Variants in RBFOX1 observed in about 807,000 individuals in gnomAD.
The protein encoded by RBFOX1 is RNA binding fox-1 homolog 1, also known as RNA binding protein fox-1 homolog 1.
RBFOX1 carries 8 observed loss-of-function variants against 57.7 expected under a neutral mutation model. The ratio of observed to expected loss-of-function variants is 0.14; its 90% CI spans 0.08 to 0.25. The LOEUF is 0.25. RBFOX1 is among the 10% of genes least tolerant of loss of function. The pLI, the probability that RBFOX1 is intolerant of heterozygous loss-of-function variation, is 1.00. For missense variants in RBFOX1, 611 were observed against 548.5 expected (o/e 1.11, Z -1.14); for synonymous variants, 326 against 222.4 (o/e 1.47, Z -4.15).
chr16:5,787,658 G>C (rs571259202), intron 3 of RBFOX1, among the ~76,000 whole-genome samples: 1 of 152,330 alleles, frequency 6.6e-6, no homozygotes, highest in East Asian at 1.9e-4. Context: ...CAAAGAGCTG[G>C]ATCTCGCAGA....
intron 1 of RBFOX1, among the ~76,000 whole-genome samples, chr16:6,095,105 G>T (rs922716253): frequency 4.6e-5 from 7 of 152,118 alleles, no homozygotes; most frequent in Non-Finnish European, 8.8e-5. Flanking sequence ...AAACCCAGTG[G>T]ATTCCTTAGC....
chr16:6,129,716 A>AAG (rs397748049), intron 1 of RBFOX1, among the ~76,000 whole-genome samples: 2,208 of 150,358 alleles, frequency 0.015, 79 homozygotes, highest in African/African-American at 0.051. Context: ...AAAAAAAAAA[A>AAG]GAACTAAACT....
intron 2 of RBFOX1, among the ~76,000 whole-genome samples, chr16:6,562,541 T>C (rs1427329385): frequency 6.6e-6 from 1 of 152,240 alleles, no homozygotes; most frequent in African/African-American, 2.4e-5. Flanking sequence ...AGTTTGGAAG[T>C]AAATGAAGAC....
intron 2 of RBFOX1, among the ~76,000 whole-genome samples, chr16:6,447,463 A>G (rs2094506772): frequency 6.6e-6 from 1 of 152,218 alleles, no homozygotes; most frequent in Admixed American, 6.5e-5. Flanking sequence ...CTGATATTAC[A>G]TTCTGAAACC....
intron 4 of RBFOX1, among the ~76,000 whole-genome samples, chr16:7,341,427 T>C (rs563615580): frequency 6.6e-6 from 1 of 152,168 alleles, no homozygotes; most frequent in Non-Finnish European, 1.5e-5. Flanking sequence ...TCTGGAGGTA[T>C]TGGGATGATC....
rs367922182 is a variant in RBFOX1 at position 7,426,419 on chromosome 16, C to G, written c.28-91728C>G. Among the ~76,000 whole-genome samples, 8 of 152,218 alleles carry G rather than the reference C, an allele frequency of 5.3e-5. No homozygotes were observed. In the East Asian group the frequency reaches 1.5e-3, roughly 29 times the overall value. On this transcript the variant is annotated intron_variant, in intron 4 of 15. Coordinates refer to ENST00000550418, the MANE Select transcript of RBFOX1 (RefSeq NM_018723.4). The stretch of plus-strand genomic sequence containing the variant: ...CGAATTGGGCCTGTTTTCTTATTAA[C>G]TCCCCACCTCTGAATGCATTAGCCC...
At position 6,978,827 on chromosome 16, in the gene RBFOX1, A is replaced by C. The variant is rs185280506; in HGVS notation, c.-15-73230A>C. The stretch of plus-strand genomic sequence containing the variant: ...AATACATTGCCTATATCGGGTAACA[A>C]ATGCCTTCAATCCCCTTCGCGCAGA... On this transcript the variant is annotated intron_variant, in intron 3 of 15. Coordinates refer to ENST00000550418, the MANE Select transcript of RBFOX1 (RefSeq NM_018723.4). 3.9e-5 allele frequency among the ~76,000 whole-genome samples: 6 copies of C among 152,278 alleles called. No homozygotes were observed. The East Asian group carries it at 9.7e-4, about 25-fold the overall frequency.
At chr16:6,196,893 C>T (rs889920216) in intron 1 of RBFOX1, among the ~76,000 whole-genome samples, 12 of 151,898 alleles carry the variant, frequency 7.9e-5, no homozygotes, top group Middle Eastern at 3.2e-3. Context: ...CATCTCTGTC[C>T]GCTGCCTACA....
intron 3 of RBFOX1, among the ~76,000 whole-genome samples, chr16:6,719,125 C>T (rs1280707952): frequency 6.6e-6 from 1 of 152,034 alleles, no homozygotes; most frequent in Non-Finnish European, 1.5e-5. Context: ...CCTTGATCTC[C>T]CAAAGTGGTG....
At chr16:5,508,548 A>G (rs1005004031) in intron 2 of RBFOX1, among the ~76,000 whole-genome samples, 3 of 152,150 alleles carry the variant, frequency 2.0e-5, no homozygotes, top group Admixed American at 6.6e-5. Context: ...GTGATTGCAC[A>G]GAGTGCCACA....
At chr16:7,696,201 ATTAG>A (rs1396615527) in intron 14 of RBFOX1, among the ~76,000 whole-genome samples, 4 of 152,140 alleles carry the variant, frequency 2.6e-5, no homozygotes, top group African/African-American at 9.7e-5. Flanking sequence ...CAACAATGCT[ATTAG>A]TTGTGTTGTT....
intron 2 of RBFOX1, among the ~76,000 whole-genome samples, chr16:5,503,891 A>T (rs1044290763): frequency 6.6e-6 from 1 of 152,138 alleles, no homozygotes; most frequent in African/African-American, 2.4e-5. Flanking sequence ...GCAAACACTC[A>T]TCTACTTTCT....
intron 3 of RBFOX1, among the ~76,000 whole-genome samples, chr16:6,808,785 G>T (rs1456867702): frequency 6.6e-6 from 1 of 152,094 alleles, no homozygotes; most frequent in Non-Finnish European, 1.5e-5. Flanking sequence ...AACTGTATCT[G>T]TGTCTTCTCC....
chr16:5,407,402 G>C (rs549242498), intron 1 of RBFOX1, among the ~76,000 whole-genome samples: 85 of 152,256 alleles, frequency 5.6e-4, no homozygotes, highest in Admixed American at 2.7e-3. Flanking sequence ...TGTGTTCTAG[G>C]TGGAGGGAAA....
intron 3 of RBFOX1, among the ~76,000 whole-genome samples, chr16:7,033,916 C>T (rs1181535170): frequency 6.6e-6 from 1 of 152,194 alleles, no homozygotes; most frequent in Non-Finnish European, 1.5e-5. Context: ...CTGCAGTGAG[C>T]TATGATTGCA....
At chr16:5,263,239 C>A (rs2062778991) in intron 1 of RBFOX1, among the ~76,000 whole-genome samples, 2 of 152,006 alleles carry the variant, frequency 1.3e-5, no homozygotes, top group African/African-American at 4.8e-5. Flanking sequence ...GACTCAGGGA[C>A]AAAGTTTGGT....
At chr16:6,013,791 G>A (rs2094976055) in intron 4 of RBFOX1, among the ~76,000 whole-genome samples, 1 of 152,046 alleles carries the variant, frequency 6.6e-6, no homozygotes, top group Non-Finnish European at 1.5e-5. Context: ...TTGGTTCCAA[G>A]TCTTTGCTAT....
Position 7,567,435 on chromosome 16 carries a change from ATATATATATATCCCTATGTATGGCCC to A in RBFOX1, c.271-12310_271-12285del, listed in dbSNP as rs1567866769. ...TATATATATCCCTATGTATGGCCCTATATATATATATCCCTATGTATGGCCCTATATATATATCCCTATGTATGGCC... is the reference window on the plus strand; with the variant it reads ...TATATATATCCCTATGTATGGCCCTATATATATATATCCCTATGTATGGCC... On this transcript the variant is annotated intron_variant, in intron 5 of 15. Transcript: ENST00000550418. Among the ~76,000 whole-genome samples the A allele has an allele frequency of 7.8e-5, 10 of 127,480 alleles. No homozygotes were observed. In the East Asian group the frequency reaches 9.5e-4, roughly 12 times the overall value. The allele number at this position is 127,480 out of a possible 152,430, so 83.6% of individuals were successfully genotyped here. A position where few individuals can be genotyped will look rare whatever the true frequency, so the allele number is the denominator to read the frequency against.
chr16:6,223,849 T>C lies in RBFOX1; in HGVS notation c.-126-93146T>C, dbSNP rs570644317. On this transcript the variant is annotated intron_variant, in intron 1 of 15. Coordinates refer to ENST00000550418, the MANE Select transcript of RBFOX1 (RefSeq NM_018723.4). ...TATGGTCTTAGGTCTAACATTTAAG[T>C]CTTTAATCCATCTTGAATTAATTTT... is the stretch of plus-strand genomic sequence containing the variant. 1.4e-4 allele frequency among the ~76,000 whole-genome samples: 22 copies of C among 152,336 alleles called. No individual in the cohort carries two copies. The East Asian group carries it at 4.2e-3, about 29-fold the overall frequency.
Sources: gnomAD v4.1 joint callset for allele counts (sites outside exome capture counted in the v4.1 genomes callset) on GRCh38, gnomAD v4.1.1 for gene constraint, MANE v1.5 for transcripts, NCBI Gene and HGNC (gene_info 2026-07-23, HGNC 2026-07-21) for gene names.